The following SHANK2 variants were observed in gnomAD, a reference collection of about 807,000 sequenced individuals.
SHANK2 encodes the protein SH3 and multiple ankyrin repeat domains protein 2.
Under a neutral mutation model 133.7 loss-of-function variants are expected in SHANK2, and 43 were observed. The observed-to-expected ratio is 0.32, with a 90% CI of 0.25 to 0.41. SHANK2 has a LOEUF of 0.41. Ranked by LOEUF, SHANK2 falls within the 10% of genes least tolerant of loss-of-function variation. SHANK2 has a pLI of 1.00. For synonymous variants in SHANK2, 1,017 were observed against 952.8 expected, an observed-to-expected ratio of 1.07 and a Z score of -1.24; for missense variants, 1,994 against 2,235.8, an observed-to-expected ratio of 0.89 and a Z score of 2.18.
At chr11:70,554,480 T>C (rs2059805028) in intron 17 of SHANK2, among the ~76,000 whole-genome samples, 1 of 146,776 alleles carries the variant, frequency 6.8e-6, no homozygotes, top group Non-Finnish European at 1.5e-5. Flanking sequence ...ACTTTATATT[T>C]TGGAACATTT....
intron 3 of SHANK2, among the ~76,000 whole-genome samples, chr11:71,137,602 A>G (rs1952471185): frequency 6.6e-6 from 1 of 152,186 alleles, no homozygotes. Flanking sequence ...TGCTGGCTGC[A>G]GGGAGCTGGG....
chr11:71,069,896 C>T (rs928951347), intron 9 of SHANK2, among the ~76,000 whole-genome samples: 3 of 152,192 alleles, frequency 2.0e-5, no homozygotes, highest in African/African-American at 7.2e-5. Flanking sequence ...TGTGTGTGTG[C>T]CCTGTATGGC....
rs2058798989 is a variant in SHANK2 at position 70,486,063 on chromosome 11, T to C, written c.4230A>G (p.Pro1410=). 6.2e-7 allele frequency: 1 copy of C among 1,613,588 alleles called. No homozygotes were observed. The highest frequency in any genetic ancestry group is 8.5e-7 in the Non-Finnish European group (1 of 1,179,948). Residue 1410 remains proline (P), a synonymous_variant, in exon 25 of 26, where the codon CCA becomes CCG. Transcript: ENST00000601538. The surrounding 1 kb of genome is among the most constrained non-coding windows in gnomAD (Gnocchi z 8.0). ...TTGCAAATTCCAGGGGAGGAGGCAA[T>C]GGCTCTGTAAAAATAAAATCCTCAT... ...DLDEDFIFTE[P]LPPPLEFANS...
At position 70,657,086 on chromosome 11, in the gene SHANK2, C is replaced by T. The variant is rs184324092; in HGVS notation, c.2061+2742G>A. Among the ~76,000 whole-genome samples, 317 of 152,248 alleles carry T rather than the reference C, an allele frequency of 2.1e-3. 4 individuals are homozygous for T. The highest frequency in any genetic ancestry group is 4.0e-3 in the Non-Finnish European group (269 of 68,018). ...TGCCCATTGGTCCAAAAGTTCAAAC[C>T]GCAGCATGCATTTTTAAAGAGAAAA... On this transcript the variant is annotated intron_variant, in intron 17 of 25. Transcript: ENST00000601538.
intron 14 of SHANK2, among the ~76,000 whole-genome samples, chr11:70,756,856 T>TA (rs1292748730): frequency 6.6e-6 from 1 of 152,192 alleles, no homozygotes; most frequent in Admixed American, 6.5e-5. Flanking sequence ...CAGCTTGTCT[T>TA]ATGTAGATCA....
intron 17 of SHANK2, among the ~76,000 whole-genome samples, chr11:70,504,007 C>T (rs1308966852): frequency 6.6e-6 from 1 of 152,222 alleles, no homozygotes. Context: ...CCAGCAGCTC[C>T]TGAATGGGAG....
At position 71,188,927 on chromosome 11, in the gene SHANK2, G is replaced by A. The variant is rs1289913793; in HGVS notation, c.-13+35770C>T. 2.0e-5 allele frequency among the ~76,000 whole-genome samples: 3 copies of A among 152,196 alleles called. No individual in the cohort carries two copies. The highest frequency in any genetic ancestry group is 6.5e-5 in the Admixed American group (1 of 15,278). The stretch of plus-strand genomic sequence containing the variant: ...ACCCTGGGGTTCTCTCAATACAGCA[G>A]GAGCGGGCCCCAGCTCCACGGCCCC... On this transcript the variant is annotated intron_variant, in intron 2 of 25. Transcript: ENST00000601538. The surrounding 1 kb of genome is among the most constrained non-coding windows in gnomAD (Gnocchi z 4.6).
intron 10 of SHANK2, among the ~76,000 whole-genome samples, chr11:70,897,178 A>G (rs1555075862): frequency 6.6e-6 from 1 of 152,208 alleles, no homozygotes; most frequent in African/African-American, 2.4e-5. Context: ...ATGGGAGAGC[A>G]GTCAGGCAGG....
chr11:71,228,205 T>G (rs1954675476), intron 1 of SHANK2, among the ~76,000 whole-genome samples: 1 of 152,160 alleles, frequency 6.6e-6, no homozygotes, highest in Non-Finnish European at 1.5e-5. Flanking sequence ...CTTGCCCAAT[T>G]TGAAAAAGGT....
At chr11:70,623,252 T>C (rs117374580) in intron 17 of SHANK2, among the ~76,000 whole-genome samples, 8,570 of 151,702 alleles carry the variant, frequency 0.056, 321 homozygotes, top group Non-Finnish European at 0.079. Context: ...CGCACTTGGG[T>C]GCATGGCCTC....
chr11:70,521,185 C>A (rs2059325822), intron 17 of SHANK2, among the ~76,000 whole-genome samples: 1 of 152,210 alleles, frequency 6.6e-6, no homozygotes, highest in Non-Finnish European at 1.5e-5. Context: ...TTTCTCTTTG[C>A]TGAAAATCTA....
chr11:70,707,729 G>T (rs1053939298), intron 14 of SHANK2, among the ~76,000 whole-genome samples: 4 of 152,136 alleles, frequency 2.6e-5, no homozygotes, highest in Non-Finnish European at 5.9e-5. Flanking sequence ...CCAGCATCCG[G>T]CCTGGGGAAG....
In SHANK2 at chr11:70,473,341, C is replaced by T. The variant is rs369901356; in HGVS notation, c.5078G>A (p.Arg1693Gln). 3.5e-5 allele frequency: 56 copies of T among 1,613,158 alleles called. No individual in the cohort carries two copies. The highest frequency in any genetic ancestry group is 2.7e-4 in the Admixed American group (16 of 59,996). Reference sequence around the variant, plus strand: ...GGTCCTGCTTTCATAGTCGGGGGGCCGGCTCTGCAGGGTGATGGGCTGGGA... The same window carrying T: ...GGTCCTGCTTTCATAGTCGGGGGGCTGGCTCTGCAGGGTGATGGGCTGGGA... ...GTSQPITLQS[R>Q]PPDYESRTSG... is the part of the protein sequence containing the mutation. The change falls in exon 26 of 26, where the codon CGG becomes CAG. Residue 1693 changes from arginine (R) to glutamine (Q), a missense_variant. By Grantham distance (43) the Arg-to-Gln change is conservative. Around this residue, in one of 5 missense-constraint regions of SHANK2, gnomAD observed 797 missense variants for 907.4 expected, o/e 0.88. Coordinates refer to ENST00000601538, the MANE Select transcript of SHANK2 (RefSeq NM_012309.5). The surrounding 1 kb of genome is among the most constrained non-coding windows in gnomAD (Gnocchi z 5.9).
At chr11:70,759,336 T>C (rs1283896214) in intron 14 of SHANK2, among the ~76,000 whole-genome samples, 1 of 151,028 alleles carries the variant, frequency 6.6e-6, no homozygotes, top group East Asian at 2.0e-4. Context: ...AATACAAAAA[T>C]TAGCCGGGCG....
chr11:70,897,188 G>A (rs1203731895), intron 10 of SHANK2, among the ~76,000 whole-genome samples: 1 of 152,160 alleles, frequency 6.6e-6, no homozygotes, highest in African/African-American at 2.4e-5. Context: ...AGTCAGGCAG[G>A]TAAAGCCAAG....
At chr11:70,729,350 A>G (rs965561196) in intron 14 of SHANK2, among the ~76,000 whole-genome samples, 7 of 150,762 alleles carry the variant, frequency 4.6e-5, no homozygotes, top group Non-Finnish European at 8.8e-5. Context: ...CAGAGGCAGA[A>G]AACAGACTGG....
chr11:70,620,014 G>A (rs1359725025), intron 17 of SHANK2, among the ~76,000 whole-genome samples: 1 of 152,146 alleles, frequency 6.6e-6, no homozygotes, highest in African/African-American at 2.4e-5. Context: ...TTTAAGACTG[G>A]AACAGAATGT....
Position 70,842,868 on chromosome 11 carries a change from G to A in SHANK2, c.1175-22186C>T, listed in dbSNP as rs772094199. Among the ~76,000 whole-genome samples, 286 of 152,324 alleles carry A rather than the reference G, an allele frequency of 1.9e-3. 1 individual carries two copies. The highest frequency in any genetic ancestry group is 3.5e-3 in the Non-Finnish European group (236 of 68,036). ...CTCTCAGCATCTGAGCTTGCACGGGGATCTGTGAGAATAACACGGACGGTG... is the reference window on the plus strand; with the variant it reads ...CTCTCAGCATCTGAGCTTGCACGGGAATCTGTGAGAATAACACGGACGGTG... On this transcript the variant is annotated intron_variant, in intron 11 of 25. Transcript: ENST00000601538.
intron 3 of SHANK2, among the ~76,000 whole-genome samples, chr11:71,139,605 G>A (rs1272814026): frequency 6.6e-6 from 1 of 152,168 alleles, no homozygotes; most frequent in African/African-American, 2.4e-5. Flanking sequence ...AGAAATAACA[G>A]AGCTCACCAG....
Sources: gnomAD v4.1 joint callset for allele counts (sites outside exome capture counted in the v4.1 genomes callset) on GRCh38, gnomAD v4.1.1 for gene constraint, gnomAD v4.1.1 regional missense constraint, Gnocchi (gnomAD v3.1) non-coding constraint, MANE v1.5 for transcripts, NCBI Gene and HGNC (gene_info 2026-07-23, HGNC 2026-07-21) for gene names.